Variants in MYBPC3 observed in about 807,000 individuals in gnomAD.
MYBPC3 encodes myosin-binding protein C, cardiac-type.
In MYBPC3, 108 loss-of-function variants were observed where a neutral mutation model predicts 159.3. The observed-to-expected ratio is 0.68, with a 90% confidence interval of 0.58 to 0.80. MYBPC3 has a LOEUF of 0.80. MYBPC3 is among the 30% of genes least tolerant of loss of function. The pLI, the probability that MYBPC3 is intolerant of heterozygous loss-of-function variation, is 0.00. For missense variants in MYBPC3, 1,631 were observed against 1,762.1 expected (o/e 0.93, Z 1.33); for synonymous variants, 730 against 702.0 (o/e 1.04, Z -0.63).
rs876657511 is a variant in MYBPC3, at chr11:47,339,336, C to T, written c.2136G>A (p.Val712=). ...PEDTGDSDEW[V]FDKKLLCETE... is the part of the protein sequence containing the mutation. The stretch of plus-strand genomic sequence containing the variant: ...CAGTCTCACTCACCTTCTTGTCAAA[C>T]ACCCACTCATCGCTGTCACCTGTGT... The change falls in exon 22 of 35, where the codon GTG becomes GTA. Residue 712 remains valine, a synonymous_variant. Coordinates refer to ENST00000545968, the MANE Select transcript of MYBPC3 (RefSeq NM_000256.3). The T allele has an allele frequency of 1.2e-6, 2 of 1,614,062 alleles. No homozygotes were observed. The highest frequency in any genetic ancestry group is 1.7e-6 in the Non-Finnish European group (2 of 1,179,888).
Position 47,346,456 on chromosome 11 carries a change from A to G in MYBPC3, c.927-86T>C. ...CCTGGGCCCAGGACCAAGGAGCTGT[A>G]GCCACCCCTGTCCCTCTGCCCCTTC... On this transcript the variant is annotated intron_variant, in intron 11 of 34. Coordinates refer to ENST00000545968, the MANE Select transcript of MYBPC3 (RefSeq NM_000256.3). This position sits in a 1 kb window ranked among gnomAD's most constrained non-coding sequence, Gnocchi z 5.3. 2 of 1,469,484 alleles carry G rather than the reference A, an allele frequency of 1.4e-6. No individual in the cohort carries two copies. The highest frequency in any genetic ancestry group is 1.8e-6 in the Non-Finnish European group (2 of 1,103,358). 91.0% of individuals were successfully genotyped at this position (1,469,484 alleles called of 1,614,324 possible).
rs1384755609 is a variant in MYBPC3, at chr11:47,335,057, C to T, written c.2890G>A (p.Val964Met). ...APVTTTEPVT[V>M]QEILQRPRLQ... ...GGGCACTCACGCAGGATCTCCTGCA[C>T]TGTCACCGGCTCCGTGGTGGTAACA... The change falls in exon 27 of 35, where the codon GTG becomes ATG. Residue 964 changes from valine to methionine, a missense_variant. Transcript: ENST00000545968. 1 of 1,567,746 alleles carries T rather than the reference C, an allele frequency of 6.4e-7. No homozygotes were observed.
chr11:47,346,249 T>A lies in MYBPC3; in HGVS notation c.1048A>T (p.Lys350Ter). The change falls in exon 12 of 35, where the codon AAG (lysine) becomes TAG (stop). Residue 350 changes from lysine (K) to a stop codon, truncating the protein, a stop_gained. Coordinates refer to ENST00000545968, the MANE Select transcript of MYBPC3 (RefSeq NM_000256.3). LOFTEE classifies it high-confidence loss of function. The surrounding 1 kb of genome is among the most constrained non-coding windows in gnomAD (Gnocchi z 5.3). ...TCGCGCCTCATGCCCTTGAGCCTCT[T>A]TAGCATGCCGCGCAGGTCAGTGACG... ...YGVTDLRGMLKRLKGMRRDEK... is the reference protein window; with the variant it reads ...YGVTDLRGML 6.2e-7 allele frequency: 1 copy of A among 1,613,918 alleles called. No homozygotes were observed.
chr11:47,342,640 T>C lies in MYBPC3; in HGVS notation c.1562A>G (p.Asp521Gly). Reference sequence around the variant, plus strand: ...AGTGCACAGTGCATAGTGCCCCGCGTCCTCCAGCATGGCCTCGTTGATGAT... The same window carrying C: ...AGTGCACAGTGCATAGTGCCCCGCGCCCTCCAGCATGGCCTCGTTGATGAT... Reference protein sequence around the residue: ...HLIINEAMLEDAGHYALCTSG... With the variant: ...HLIINEAMLEGAGHYALCTSG... The change falls in exon 17 of 35, where the codon GAC becomes GGC. Residue 521 changes from aspartate to glycine, a missense_variant. Asp to Gly is a moderately conservative substitution (Grantham distance 94, BLOSUM62 -1). Coordinates refer to ENST00000545968, the MANE Select transcript of MYBPC3 (RefSeq NM_000256.3). The C allele has an allele frequency of 6.2e-7, 1 of 1,613,976 alleles. No individual in the cohort carries two copies.
At chr11:47,349,018 G>A (rs1160122907) in intron 5 of MYBPC3, among the ~76,000 whole-genome samples, 1 of 148,664 alleles carries the variant, frequency 6.7e-6, no homozygotes, top group Non-Finnish European at 1.5e-5. Flanking sequence ...AGAGAAAGGG[G>A]ACTATCTCGA....
chr11:47,341,620 C>G (rs577158509), intron 18 of MYBPC3, among the ~76,000 whole-genome samples: 1 of 152,318 alleles, frequency 6.6e-6, no homozygotes, highest in South Asian at 2.1e-4. Context: ...TTGGTGGCCT[C>G]CTGCCCTGCC....
chr11:47,333,209 G>T lies in MYBPC3; in HGVS notation c.3315C>A (p.Ala1105=), dbSNP rs200372325. The stretch of plus-strand genomic sequence containing the variant: ...CTGGGCTCACCATGGTCTTCTTGTC[G>T]GCTTTCTGCACTGTGTACCCCCAGA... The part of the protein sequence containing the change: ...TELWGYTVQK[A]DKKTMEWFTV... The change falls in exon 30 of 35, where the codon GCC becomes GCA. Residue 1105 remains alanine, a synonymous_variant. Transcript: ENST00000545968. The T allele has an allele frequency of 1.0e-4, 163 of 1,601,472 alleles. No homozygotes were observed. Among genetic ancestry groups the T allele is most frequent in the Non-Finnish European group, 5.3e-5 (62 of 1,174,048 alleles).
At position 47,347,444 on chromosome 11, in the gene MYBPC3, C is replaced by G. The variant is rs1595848305; in HGVS notation, c.887G>C (p.Ser296Thr). ...SHEDTGILDF[S>T]SLLKKRDSFR... ...GACTCACCTCTTTTTCAGCAGTGAG[C>G]TGAAGTCCAGAATCCCAGTGTCCTC... The change falls in exon 9 of 35, where the codon AGC becomes ACC. Residue 296 changes from serine (S) to threonine (T), a missense_variant. Ser to Thr is a moderately conservative substitution (Grantham distance 58). Coordinates refer to ENST00000545968, the MANE Select transcript of MYBPC3 (RefSeq NM_000256.3). 6.3e-7 allele frequency: 1 copy of G among 1,592,580 alleles called. No homozygotes were observed. Among genetic ancestry groups the G allele is most frequent in the African/African-American group, 1.3e-5 (1 of 74,482 alleles).
chr11:47,339,540 G>T, intron 21 of MYBPC3, 111 bp downstream of exon 21: 1 of 1,480,118 alleles, frequency 6.8e-7, no homozygotes, highest in Non-Finnish European at 9.2e-7. Flanking sequence ...CCATGGGGTA[G>T]CCAACAGCAG....
rs199728019 is a variant in MYBPC3 at position 47,341,995 on chromosome 11, C to T, written c.1786G>A (p.Gly596Arg). 4.8e-5 allele frequency: 75 copies of T among 1,561,638 alleles called. No homozygotes were observed. Among genetic ancestry groups the T allele is most frequent in the Admixed American group, 1.2e-4 (6 of 51,596 alleles). Residue 596 changes from glycine to arginine, a missense_variant, in exon 18 of 35, where the codon GGG becomes AGG. Coordinates refer to ENST00000545968, the MANE Select transcript of MYBPC3 (RefSeq NM_000256.3). Reference protein sequence around the residue: ...PDSRIKVSHIGRVHKLTIDDV... With the variant: ...PDSRIKVSHIRRVHKLTIDDV... Reference sequence around the variant, plus strand: ...CCACCTGCCCTGCACACTCACCGCCCGATGTGGGACACCTTTATGCGGCTG... The same window carrying T: ...CCACCTGCCCTGCACACTCACCGCCTGATGTGGGACACCTTTATGCGGCTG...
In MYBPC3 at chr11:47,346,442, G is replaced by C. The variant is rs2095894254; in HGVS notation, c.927-72C>G. 2.0e-6 allele frequency: 3 copies of C among 1,481,580 alleles called. No homozygotes were observed. In the South Asian group the frequency reaches 4.1e-5, roughly 20 times the overall value. 91.8% of individuals were successfully genotyped at this position (1,481,580 alleles called of 1,614,324 possible). A position where few individuals can be genotyped will look rare whatever the true frequency, so the allele number is the denominator to read the frequency against. On this transcript the variant is annotated intron_variant, in intron 11 of 34. Coordinates refer to ENST00000545968, the MANE Select transcript of MYBPC3 (RefSeq NM_000256.3). The surrounding 1 kb of genome is among the most constrained non-coding windows in gnomAD (Gnocchi z 5.3). ...CCTGGGCGGGGCTTCCTGGGCCCAG[G>C]ACCAAGGAGCTGTAGCCACCCCTGT...
Position 47,332,060 on chromosome 11 carries a change from A to C in MYBPC3, c.3814+12T>G. On this transcript the variant is annotated intron_variant, in intron 33 of 34. Transcript: ENST00000545968. This position sits in a 1 kb window ranked among gnomAD's most constrained non-coding sequence, Gnocchi z 4.2. ...TCCCATCTCCCAGGCCCTGGCCCCGAGGGCTCCTCACCTCGCACCTCCAGG... is the reference window on the plus strand; with the variant it reads ...TCCCATCTCCCAGGCCCTGGCCCCGCGGGCTCCTCACCTCGCACCTCCAGG... 1 of 1,606,108 alleles carries C rather than the reference A, an allele frequency of 6.2e-7. No homozygotes were observed. The highest frequency in any genetic ancestry group is 8.5e-7 in the Non-Finnish European group (1 of 1,174,780).
intron 12 of MYBPC3, among the ~76,000 whole-genome samples, 153 bp from the exon 13 acceptor site, chr11:47,343,777 TTTTG>T (rs764738764): frequency 5.1e-4 from 78 of 151,822 alleles, no homozygotes; most frequent in African/African-American, 1.7e-3. Flanking sequence ...TTTCTTTTTG[TTTTG>T]TTTGTTTGTC....
Position 47,347,913 on chromosome 11 carries a change from C to CAA in MYBPC3, c.773-10_773-9dup, listed in dbSNP as rs2095896066. Reference sequence around the variant, plus strand: ...CTCCGGTGCCCATGGCCTCTGGGTTCAAAGGGTGGAGAGATGGGGGAAGGG... The same window carrying CAA: ...CTCCGGTGCCCATGGCCTCTGGGTTCAAAAAGGGTGGAGAGATGGGGGAAGGG... On this transcript the variant is annotated splice_polypyrimidine_tract_variant and intron_variant, in intron 6 of 34. Coordinates refer to ENST00000545968, the MANE Select transcript of MYBPC3 (RefSeq NM_000256.3). 3 of 1,572,396 alleles carry CAA rather than the reference C, an allele frequency of 1.9e-6. No homozygotes were observed. The highest frequency in any genetic ancestry group is 1.7e-6 in the Non-Finnish European group (2 of 1,159,370).
intron 7 of MYBPC3, 56 bp downstream of exon 7, chr11:47,347,801 G>A (rs2095895878): frequency 1.3e-6 from 2 of 1,547,648 alleles, no homozygotes; most frequent in African/African-American, 1.4e-5. Flanking sequence ...TCGAGACCCT[G>A]AAGGGCCTCA....
chr11:47,351,587 G>A lies in MYBPC3; in HGVS notation c.26-82C>T. On this transcript the variant is annotated intron_variant, in intron 1 of 34. Transcript: ENST00000545968. This position sits in a 1 kb window ranked among gnomAD's most constrained non-coding sequence, Gnocchi z 4.2. ...TGCAGCCCCTCTCAGTAAATACTGTGCTAGCACTTTCTATGCATCCCCTCA... is the reference window on the plus strand; with the variant it reads ...TGCAGCCCCTCTCAGTAAATACTGTACTAGCACTTTCTATGCATCCCCTCA... The A allele has an allele frequency of 7.1e-7, 1 of 1,407,320 alleles. No homozygotes were observed. The highest frequency in any genetic ancestry group is 1.5e-5 in the South Asian group (1 of 66,942). 87.2% of individuals were successfully genotyped at this position (1,407,320 alleles called of 1,614,324 possible).
chr11:47,349,660 T>TA, intron 5 of MYBPC3, 114 bp downstream of exon 5: 1 of 1,406,192 alleles, frequency 7.1e-7, no homozygotes, highest in Non-Finnish European at 9.4e-7. Context: ...CCCACACCCC[T>TA]TGCTTGCAGC....
At chr11:47,337,817 A>C in intron 23 of MYBPC3, 23 bp from the exon 24 acceptor site, 1 of 1,544,270 alleles carries the variant, frequency 6.5e-7, no homozygotes, top group Non-Finnish European at 8.8e-7. Flanking sequence ...GGATGGACCC[A>C]CATCAGCCCT....
At chr11:47,340,152 CAG>C (rs1400794768) in intron 20 of MYBPC3, among the ~76,000 whole-genome samples, 4 of 151,748 alleles carry the variant, frequency 2.6e-5, no homozygotes, top group Non-Finnish European at 5.9e-5. Context: ...CACATACACA[CAG>C]ACACACATAC....
Sources: gnomAD v4.1 joint callset for allele counts (sites outside exome capture counted in the v4.1 genomes callset) on GRCh38, gnomAD v4.1.1 for gene constraint, Gnocchi (gnomAD v3.1) non-coding constraint, MANE v1.5 for transcripts, NCBI Gene and HGNC (gene_info 2026-07-23, HGNC 2026-07-21) for gene names.